RNF13: variants seen among roughly 807,000 people sequenced by gnomAD.
RNF13 encodes ring finger protein 13, also known as E3 ubiquitin-protein ligase RNF13.
A neutral mutation model predicts 37.7 loss-of-function variants in RNF13; 19 were observed. The observed-to-expected ratio is 0.50, with a 90% CI of 0.35 to 0.74. The LOEUF (loss-of-function observed/expected upper bound fraction) is 0.74, where lower values mean the gene tolerates loss of function less well. RNF13 is among the 30% of genes least tolerant of loss of function. The probability of loss-of-function intolerance (pLI) is 0.01; values close to 1 mark genes in which losing one functional copy is unlikely to be tolerated. For synonymous variants in RNF13, 144 were observed against 157.8 expected, an observed-to-expected ratio of 0.91 and a Z score of 0.65; for missense variants, 375 against 453.0, an observed-to-expected ratio of 0.83 and a Z score of 1.56.
intron 6 of RNF13, among the ~76,000 whole-genome samples, chr3:149,905,750 T>C (rs1173305972): frequency 6.6e-6 from 1 of 152,166 alleles, no homozygotes; most frequent in Non-Finnish European, 1.5e-5. Flanking sequence ...ATCATATCTT[T>C]TTCCAAATAG....
At chr3:149,898,270 C>T (rs1338403237) in intron 5 of RNF13, among the ~76,000 whole-genome samples, 1 of 152,056 alleles carries the variant, frequency 6.6e-6, no homozygotes, top group Non-Finnish European at 1.5e-5. Context: ...ACTGTATAAC[C>T]AGGTCAAGTT....
At chr3:149,873,816 A>T (rs1712370248) in intron 4 of RNF13, among the ~76,000 whole-genome samples, 1 of 152,078 alleles carries the variant, frequency 6.6e-6, no homozygotes, top group South Asian at 2.1e-4. Context: ...ATTGCTTTTT[A>T]TCACATTGTT....
intron 8 of RNF13, among the ~76,000 whole-genome samples, chr3:149,956,457 T>G (rs1455648749): frequency 6.6e-6 from 1 of 152,142 alleles, no homozygotes; most frequent in African/African-American, 2.4e-5. Flanking sequence ...GCTACCTAGG[T>G]CTTTGTGTGA....
At chr3:149,937,831 T>G (rs1483102802) in intron 8 of RNF13, among the ~76,000 whole-genome samples, 22 of 152,112 alleles carry the variant, frequency 1.4e-4, no homozygotes, top group African/African-American at 5.3e-4. Flanking sequence ...AAAGTATACT[T>G]TATGTCCCAG....
At chr3:149,822,919 A>G (rs1334880861) in intron 1 of RNF13, among the ~76,000 whole-genome samples, 1 of 152,146 alleles carries the variant, frequency 6.6e-6, no homozygotes, top group Non-Finnish European at 1.5e-5. Flanking sequence ...TACCATTAAT[A>G]TACATTAGTT....
chr3:149,872,262 A>C (rs995441185), intron 4 of RNF13, 108 bp downstream of exon 4: 7 of 743,240 alleles, frequency 9.4e-6, no homozygotes, highest in Non-Finnish European at 1.4e-5. Context: ...AAAATCCAGT[A>C]AGATTGAAAA....
chr3:149,819,629 G>A (rs949762222), intron 1 of RNF13, among the ~76,000 whole-genome samples: 2 of 152,316 alleles, frequency 1.3e-5, no homozygotes, highest in Admixed American at 1.3e-4. Context: ...GAGTCTGGGA[G>A]AAGAGAAAGT....
intron 1 of RNF13, among the ~76,000 whole-genome samples, chr3:149,840,504 C>G (rs1040314447): frequency 1.3e-5 from 2 of 152,050 alleles, no homozygotes; most frequent in Non-Finnish European, 2.9e-5. Context: ...AGATTTTTTT[C>G]TATGTTTTCT....
chr3:149,911,615 C>T (rs1317193041), intron 6 of RNF13, among the ~76,000 whole-genome samples: 1 of 151,776 alleles, frequency 6.6e-6, no homozygotes, highest in East Asian at 1.9e-4. Context: ...GCTGAGATTG[C>T]ACCACTGTAC....
intron 3 of RNF13, among the ~76,000 whole-genome samples, chr3:149,864,710 T>A (rs1553757008): frequency 6.6e-6 from 1 of 152,178 alleles, no homozygotes; most frequent in Non-Finnish European, 1.5e-5. Context: ...AAACTGAAGG[T>A]TATAGTCATT....
chr3:149,923,164 C>T (rs1210468868), intron 8 of RNF13, among the ~76,000 whole-genome samples: 1 of 151,988 alleles, frequency 6.6e-6, no homozygotes, highest in Non-Finnish European at 1.5e-5. Context: ...AATGAATAGA[C>T]ATTTCTAAAA....
chr3:149,904,049 C>A (rs1383539266), intron 6 of RNF13, among the ~76,000 whole-genome samples: 1 of 152,050 alleles, frequency 6.6e-6, no homozygotes, highest in South Asian at 2.1e-4. Flanking sequence ...CTATCTACCA[C>A]CTACTTTACC....
At chr3:149,890,107 A>G (rs1461413982) in intron 4 of RNF13, among the ~76,000 whole-genome samples, 1 of 152,134 alleles carries the variant, frequency 6.6e-6, no homozygotes, top group Non-Finnish European at 1.5e-5. Context: ...CAGCTTTCCT[A>G]TTTTGGCCAA....
At chr3:149,839,896 A>C (rs1343804187) in intron 1 of RNF13, among the ~76,000 whole-genome samples, 2 of 152,182 alleles carry the variant, frequency 1.3e-5, no homozygotes, top group African/African-American at 4.8e-5. Context: ...TTTGATGTGT[A>C]ACAATTTCAT....
At chr3:149,875,295 G>C (rs1296635035) in intron 4 of RNF13, among the ~76,000 whole-genome samples, 3 of 151,996 alleles carry the variant, frequency 2.0e-5, no homozygotes, top group Non-Finnish European at 4.4e-5. Flanking sequence ...GGAACTCTTT[G>C]TTGTAGACCA....
chr3:149,869,239 A>G (rs1711707508), intron 3 of RNF13, among the ~76,000 whole-genome samples: 1 of 151,808 alleles, frequency 6.6e-6, no homozygotes, highest in South Asian at 2.1e-4. Context: ...TAAATTTCTG[A>G]ATTTCTTTTC....
At chr3:149,911,049 C>T (rs145447013) in intron 6 of RNF13, among the ~76,000 whole-genome samples, 35 of 152,156 alleles carry the variant, frequency 2.3e-4, no homozygotes, top group Non-Finnish European at 4.1e-4. Flanking sequence ...TTTTTTCAGT[C>T]CAGTGGTGGA....
intron 7 of RNF13, among the ~76,000 whole-genome samples, chr3:149,916,213 C>T (rs2108526430): frequency 6.6e-6 from 1 of 152,036 alleles, no homozygotes; most frequent in Non-Finnish European, 1.5e-5. Context: ...TTTCCAGTTC[C>T]TACTAAAGTG....
chr3:149,895,529 T>G lies in RNF13; in HGVS notation c.378T>G (p.Ser126=), dbSNP rs199955067. The change falls in exon 5 of 10, where the codon TCT becomes TCG. Residue 126 remains serine, a synonymous_variant. Coordinates refer to ENST00000392894, the MANE Select transcript of RNF13 (RefSeq NM_183381.3). Reference sequence around the variant, plus strand: ...CAGCCATAGTTCACAATGTTGATTCTGATGACCTCATTAGCATGGGATCCA... The same window carrying G: ...CAGCCATAGTTCACAATGTTGATTCGGATGACCTCATTAGCATGGGATCCA... The part of the protein sequence containing the change: ...YKAAIVHNVD[S]DDLISMGSND... The G allele has an allele frequency of 6.2e-7, 1 of 1,610,324 alleles. No homozygotes were observed. Among genetic ancestry groups the G allele is most frequent in the Non-Finnish European group, 8.5e-7 (1 of 1,177,548 alleles).
Sources: gnomAD v4.1 joint callset for allele counts (sites outside exome capture counted in the v4.1 genomes callset) on GRCh38, gnomAD v4.1.1 for gene constraint, MANE v1.5 for transcripts, NCBI Gene and HGNC (gene_info 2026-07-23, HGNC 2026-07-21) for gene names.